Variants in RBSN observed in about 807,000 individuals in gnomAD.
RBSN encodes the protein rabenosyn-5.
RBSN carries 34 observed loss-of-function variants against 60.5 expected under a neutral mutation model. The ratio of observed to expected loss-of-function variants is 0.56; its 90% CI spans 0.43 to 0.75. The LOEUF is 0.75. RBSN is among the 30% of genes least tolerant of loss of function. The pLI is 0.00. For missense variants in RBSN, 845 were observed against 986.8 expected (o/e 0.86, Z 1.92); for synonymous variants, 322 against 366.9 (o/e 0.88, Z 1.40).
At chr3:15,075,549 C>T in intron 13 of RBSN, 57 bp downstream of exon 13, 1 of 1,438,414 alleles carries the variant, frequency 7.0e-7, no homozygotes. Context: ...CCCATGGCAG[C>T]CTCTGTGCTT....
At chr3:15,080,829 G>A in intron 9 of RBSN, 27 bp from the exon 10 acceptor site, 1 of 1,602,338 alleles carries the variant, frequency 6.2e-7, no homozygotes, top group Non-Finnish European at 8.6e-7. Flanking sequence ...AGAGGTAAGT[G>A]GTATGCTCAA....
chr3:15,096,527 A>G lies in RBSN; in HGVS notation c.-169+8T>C, dbSNP rs192309391. 55 of 159,514 alleles carry G rather than the reference A, an allele frequency of 3.4e-4. No individual in the cohort carries two copies. In the East Asian group the frequency reaches 5.5e-3, roughly 16 times the overall value. The allele number at this position is 159,514 out of a possible 1,614,324, so 9.9% of individuals were successfully genotyped here. ...GAAGCACAGATTCTTGAAATAAGCA[A>G]ACAATACCTTGGCAATTCTCTTACA... On this transcript the variant is annotated splice_region_variant and intron_variant, in intron 3 of 13. Transcript: ENST00000253699.
chr3:15,075,430 A>G (rs1302187132), intron 13 of RBSN, 176 bp downstream of exon 13: 2 of 706,942 alleles, frequency 2.8e-6, no homozygotes, highest in Non-Finnish European at 5.1e-6. Flanking sequence ...GGGGAGAAAA[A>G]CAATTATTCT....
At chr3:15,080,696 A>C in intron 10 of RBSN, 36 bp downstream of exon 10, 4 of 1,592,480 alleles carry the variant, frequency 2.5e-6, no homozygotes, top group Non-Finnish European at 3.4e-6. Flanking sequence ...GAAAACAGTC[A>C]CCACTGGATT....
At chr3:15,089,904 T>A (rs1027378121) in intron 5 of RBSN, among the ~76,000 whole-genome samples, 1 of 152,182 alleles carries the variant, frequency 6.6e-6, no homozygotes, top group Non-Finnish European at 1.5e-5. Flanking sequence ...AGCTTAGGAT[T>A]TTCAGAGTTG....
rs2042964516 is a variant in RBSN, at chr3:15,073,380, C to G, written c.*402G>C. On this transcript the variant is annotated 3_prime_UTR_variant, in exon 14 of 14. Coordinates refer to ENST00000253699, the MANE Select transcript of RBSN (RefSeq NM_022340.4). The stretch of plus-strand genomic sequence containing the variant: ...GCTCTAAAAAGGCTGCCCTATAATA[C>G]TGCATAAGGAACCAAGACTAGGCAG... The G allele has an allele frequency of 5.5e-6, 1 of 183,154 alleles. No individual in the cohort carries two copies. Among genetic ancestry groups the G allele is most frequent in the South Asian group, 1.2e-4 (1 of 8,128 alleles). The allele number at this position is 183,154 out of a possible 1,614,324, so 11.3% of individuals were successfully genotyped here. A position where few individuals can be genotyped will look rare whatever the true frequency, so the allele number is the denominator to read the frequency against.
rs2125149589 is a variant in RBSN at position 15,073,794 on chromosome 3, C to T, written c.2343G>A (p.Gly781=). The change falls in exon 14 of 14, where the codon GGG becomes GGA. Residue 781 remains glycine (G), a synonymous_variant. Transcript: ENST00000253699. The part of the protein sequence containing the change: ...ELKHTLAKQK[G]GTD ...TCTCCACTGCTGGTCAGTCAGTGCC[C>T]CCCTTCTGCTTGGCCAGGGTGTGCT... 6.2e-7 allele frequency: 1 copy of T among 1,602,116 alleles called. No homozygotes were observed. Among genetic ancestry groups the T allele is most frequent in the East Asian group, 2.2e-5 (1 of 44,852 alleles).
At position 15,077,230 on chromosome 3, in the gene RBSN, T is replaced by G. The variant is rs2043077417; in HGVS notation, c.999-66A>C. On this transcript the variant is annotated intron_variant, in intron 11 of 13. Coordinates refer to ENST00000253699, the MANE Select transcript of RBSN (RefSeq NM_022340.4). This position sits in a 1 kb window ranked among gnomAD's most constrained non-coding sequence, Gnocchi z 4.4. ...GCTTCAGAAACAAGGGTGAAAAGTATAACATCTGGAGTTGCCAGGCTTTCA... is the reference window on the plus strand; with the variant it reads ...GCTTCAGAAACAAGGGTGAAAAGTAGAACATCTGGAGTTGCCAGGCTTTCA... The G allele has an allele frequency of 7.2e-7, 1 of 1,379,350 alleles. No individual in the cohort carries two copies. Among genetic ancestry groups the G allele is most frequent in the East Asian group, 2.3e-5 (1 of 43,588 alleles). 85.4% of individuals were successfully genotyped at this position (1,379,350 alleles called of 1,614,324 possible). A position where few individuals can be genotyped will look rare whatever the true frequency, so the allele number is the denominator to read the frequency against.
chr3:15,097,929 C>G (rs561197218), intron 2 of RBSN, among the ~76,000 whole-genome samples, 190 bp downstream of exon 2: 3 of 152,152 alleles, frequency 2.0e-5, no homozygotes, highest in Non-Finnish European at 2.9e-5. Context: ...TATAGCAGCC[C>G]TAGGTCTGGC....
At chr3:15,092,523 C>G (rs2043543424) in intron 4 of RBSN, among the ~76,000 whole-genome samples, 1 of 152,152 alleles carries the variant, frequency 6.6e-6, no homozygotes. Flanking sequence ...ATGCTCCTGC[C>G]TCAGCCTCCC....
chr3:15,092,255 T>C, intron 4 of RBSN, among the ~76,000 whole-genome samples: 1 of 151,958 alleles, frequency 6.6e-6, no homozygotes, highest in East Asian at 1.9e-4. Context: ...TTGATAAGAA[T>C]ACACTTGTCT....
chr3:15,094,835 C>G (rs1230678294), intron 4 of RBSN, among the ~76,000 whole-genome samples: 2 of 152,192 alleles, frequency 1.3e-5, no homozygotes, highest in Non-Finnish European at 2.9e-5. Context: ...ATTCACCTGT[C>G]TGAAAGCTGA....
chr3:15,096,289 C>A lies in RBSN; in HGVS notation c.-168-1G>T. The A allele has an allele frequency of 1.6e-6, 1 of 614,266 alleles. No individual in the cohort carries two copies. Among genetic ancestry groups the A allele is most frequent in the South Asian group, 4.9e-5 (1 of 20,432 alleles). The allele number at this position is 614,266 out of a possible 1,614,324, so 38.1% of individuals were successfully genotyped here. A position where few individuals can be genotyped will look rare whatever the true frequency, so the allele number is the denominator to read the frequency against. On this transcript the variant is annotated splice_acceptor_variant, in intron 3 of 13. Transcript: ENST00000253699. LOFTEE classifies it low-confidence loss of function (5UTR_SPLICE). ...TTTCCTCTCTGGAGTAGGAGGAGCC[C>A]TAAGAAAGAAAAGAAGAAGGGAAAA... is the stretch of plus-strand genomic sequence containing the variant.
At chr3:15,090,666 T>A in intron 4 of RBSN, 127 bp from the exon 5 acceptor site, 1 of 1,340,272 alleles carries the variant, frequency 7.5e-7, no homozygotes, top group Non-Finnish European at 1.0e-6. Flanking sequence ...CAGAAATATT[T>A]AGATCTCAAG....
intron 6 of RBSN, 64 bp downstream of exon 6, chr3:15,085,797 T>G: frequency 7.6e-7 from 1 of 1,312,616 alleles, no homozygotes; most frequent in Non-Finnish European, 1.1e-6. Flanking sequence ...TATAGAAATG[T>G]GATTATTTTT....
chr3:15,070,574 T>C lies in RBSN; in HGVS notation c.*3208A>G, dbSNP rs1467234656. The C allele has an allele frequency of 1.3e-5, 2 of 152,546 alleles. No individual in the cohort carries two copies. The highest frequency in any genetic ancestry group is 2.9e-5 in the Non-Finnish European group (2 of 68,018). 9.4% of individuals were successfully genotyped at this position (152,546 alleles called of 1,614,324 possible). A position where few individuals can be genotyped will look rare whatever the true frequency, so the allele number is the denominator to read the frequency against. ...ATTCACATGAGGTAAGAACTTGAAG[T>C]TGTGGTTATAATACATAGGCCAAGT... is the stretch of plus-strand genomic sequence containing the variant. On this transcript the variant is annotated 3_prime_UTR_variant, in exon 14 of 14. Transcript: ENST00000253699.
rs1366648490 is a variant in RBSN at position 15,090,460 on chromosome 3, T to C, written c.228A>G (p.Gln76=). ...CTCCATAGCTGAAAGACTCATATCC[T>C]TGGGTCCCTGACTCTGCTCGATCAT... is the stretch of plus-strand genomic sequence containing the variant. ...EGDDRAESGT[Q]GYESFSYGGV... The change falls in exon 5 of 14, where the codon CAA becomes CAG. Residue 76 remains glutamine (Q), a synonymous_variant. Transcript: ENST00000253699. The C allele has an allele frequency of 2.5e-6, 4 of 1,614,112 alleles. No homozygotes were observed. The Admixed American group carries it at 5.0e-5, about 20-fold the overall frequency.
chr3:15,085,775 TACA>T, intron 6 of RBSN, 83 bp downstream of exon 6: 2 of 1,126,618 alleles, frequency 1.8e-6, no homozygotes, highest in Middle Eastern at 2.9e-4. Context: ...ATATGATATA[TACA>T]ACACAGGCTA....
rs765189161 is a variant in RBSN at position 15,075,458 on chromosome 3, G to A, written c.1206+148C>T. On this transcript the variant is annotated intron_variant, in intron 13 of 13. Transcript: ENST00000253699. Reference sequence around the variant, plus strand: ...ATTATTCTAGTTCCCATAGATGAAAGTGAGGCTGAAACACAACAGAAGAAA... The same window carrying A: ...ATTATTCTAGTTCCCATAGATGAAAATGAGGCTGAAACACAACAGAAGAAA... The A allele has an allele frequency of 1.0e-4, 78 of 750,242 alleles. 1 individual carries two copies. Among genetic ancestry groups the A allele is most frequent in the Admixed American group, 1.2e-4 (6 of 50,556 alleles). 46.5% of individuals were successfully genotyped at this position (750,242 alleles called of 1,614,324 possible).
Sources: allele counts gnomAD v4.1 joint callset (sites outside exome capture counted in the v4.1 genomes callset), GRCh38; gene constraint gnomAD v4.1.1; non-coding constraint Gnocchi (gnomAD v3.1); transcripts MANE v1.5; gene names NCBI Gene and HGNC (gene_info 2026-07-23, HGNC 2026-07-21).